The following SRRM4 variants were observed in gnomAD, a reference collection of about 807,000 sequenced individuals.
The protein encoded by SRRM4 is serine/arginine repetitive matrix protein 4.
A neutral mutation model predicts 68.9 loss-of-function variants in SRRM4; 33 were observed. The ratio of observed to expected loss-of-function variants is 0.48; its 90% confidence interval spans 0.36 to 0.64. The LOEUF is 0.64. SRRM4 is among the 30% of genes least tolerant of loss of function. The pLI, the probability that SRRM4 is intolerant of heterozygous loss-of-function variation, is 0.00. For synonymous variants in SRRM4, 318 were observed against 318.8 expected (o/e 1.00, Z 0.03); for missense variants, 817 against 827.1 (o/e 0.99, Z 0.15).
At chr12:119,076,981 AC>A (rs1218697814) in intron 1 of SRRM4, among the ~76,000 whole-genome samples, 1 of 152,154 alleles carries the variant, frequency 6.6e-6, no homozygotes, top group Non-Finnish European at 1.5e-5. Flanking sequence ...AATCAAACTG[AC>A]TTGCGTAAAC....
chr12:119,110,278 C>T (rs544866284), intron 2 of SRRM4, among the ~76,000 whole-genome samples: 6 of 152,320 alleles, frequency 3.9e-5, no homozygotes, highest in Admixed American at 6.5e-5. Flanking sequence ...GGGTCAGGGA[C>T]GCACTTGAGG....
chr12:119,031,419 G>A (rs923013360), intron 1 of SRRM4: 2 of 152,170 alleles, frequency 1.3e-5, no homozygotes, highest in African/African-American at 4.8e-5. Flanking sequence ...TATTCTATTG[G>A]TTAGAAGGAA....
intron 1 of SRRM4, among the ~76,000 whole-genome samples, chr12:118,988,236 T>C (rs1953295305): frequency 6.6e-6 from 1 of 152,230 alleles, no homozygotes; most frequent in Non-Finnish European, 1.5e-5. Context: ...ATGATTCTTC[T>C]ATTTCATCAA....
intron 1 of SRRM4, among the ~76,000 whole-genome samples, chr12:119,059,943 G>C (rs1170461573): frequency 6.6e-6 from 1 of 152,134 alleles, no homozygotes. Context: ...GATTTGTGTT[G>C]ACTGGTTCAT....
At chr12:119,057,957 G>A (rs1565899149) in intron 1 of SRRM4, among the ~76,000 whole-genome samples, 1 of 152,112 alleles carries the variant, frequency 6.6e-6, no homozygotes, top group African/African-American at 2.4e-5. Flanking sequence ...TCTTCCCCAA[G>A]GGATGCCAGG....
At chr12:119,113,288 T>A (rs1954156292) in intron 2 of SRRM4, among the ~76,000 whole-genome samples, 1 of 152,198 alleles carries the variant, frequency 6.6e-6, no homozygotes, top group African/African-American at 2.4e-5. Flanking sequence ...TTCCAGATGA[T>A]TGGCCACACA....
chr12:119,103,761 G>A (rs995148544), intron 2 of SRRM4, among the ~76,000 whole-genome samples: 1 of 152,224 alleles, frequency 6.6e-6, no homozygotes, highest in African/African-American at 2.4e-5. Flanking sequence ...CCAACACTTT[G>A]GAAGGCCGAG....
In SRRM4 at chr12:118,981,792, A is replaced by C; in HGVS notation, c.-91A>C. On this transcript the variant is annotated 5_prime_UTR_variant, in exon 1 of 13. Coordinates refer to ENST00000267260, the MANE Select transcript of SRRM4 (RefSeq NM_194286.4). The stretch of plus-strand genomic sequence containing the variant: ...ACCCCTCTCTGGGTTTCACCCGGAC[A>C]GAGCCGGGAGCTGGGTGTCGCCCCC... 3 of 1,409,908 alleles carry C rather than the reference A, an allele frequency of 2.1e-6. No individual in the cohort carries two copies. The highest frequency in any genetic ancestry group is 2.7e-5 in the East Asian group (1 of 37,068). The allele number at this position is 1,409,908 out of a possible 1,614,324, so 87.3% of individuals were successfully genotyped here.
At chr12:118,992,689 C>T (rs1044545267) in intron 1 of SRRM4, among the ~76,000 whole-genome samples, 1 of 152,180 alleles carries the variant, frequency 6.6e-6, no homozygotes, top group Non-Finnish European at 1.5e-5. Context: ...TATAAATCCT[C>T]ATTGCCTCAC....
intron 1 of SRRM4, among the ~76,000 whole-genome samples, chr12:119,061,853 C>G (rs969611678): frequency 6.6e-5 from 10 of 152,080 alleles, no homozygotes; most frequent in African/African-American, 2.4e-4. Context: ...TTGTATTTCC[C>G]CAGTTGTGAC....
chr12:119,097,205 T>A (rs4517582), intron 1 of SRRM4, among the ~76,000 whole-genome samples: 132,717 of 152,268 alleles, frequency 0.87, 58,164 homozygotes, highest in African/African-American at 0.97. Context: ...AGAATTTTTC[T>A]TAAGGACCTG....
At chr12:119,085,635 G>T (rs906449437) in intron 1 of SRRM4, among the ~76,000 whole-genome samples, 1 of 152,168 alleles carries the variant, frequency 6.6e-6, no homozygotes, top group Non-Finnish European at 1.5e-5. Flanking sequence ...TGCTTTTGGG[G>T]GCTCTGCACA....
chr12:119,000,059 GA>G (rs1886597134), intron 1 of SRRM4, among the ~76,000 whole-genome samples: 1 of 152,128 alleles, frequency 6.6e-6, no homozygotes, highest in Non-Finnish European at 1.5e-5. Flanking sequence ...ATTTTGTACA[GA>G]ACGCACTACA....
At chr12:119,053,826 T>C (rs1487905039) in intron 1 of SRRM4, among the ~76,000 whole-genome samples, 3 of 152,150 alleles carry the variant, frequency 2.0e-5, no homozygotes, top group African/African-American at 7.2e-5. Flanking sequence ...CAAAGTGTAA[T>C]TATCACATCA....
intron 1 of SRRM4, among the ~76,000 whole-genome samples, chr12:118,982,884 T>C (rs1225687907): frequency 1.3e-5 from 2 of 152,044 alleles, no homozygotes; most frequent in African/African-American, 4.8e-5. Context: ...TCCAATTCTT[T>C]TCATAAATCA....
chr12:119,040,875 G>A (rs1270923299), intron 1 of SRRM4, among the ~76,000 whole-genome samples: 1 of 151,858 alleles, frequency 6.6e-6, no homozygotes, highest in Non-Finnish European at 1.5e-5. Flanking sequence ...TCAGCCTCCT[G>A]AGAAGCTGGG....
intron 2 of SRRM4, among the ~76,000 whole-genome samples, chr12:119,103,739 A>G (rs909660468): frequency 3.3e-5 from 5 of 152,242 alleles, no homozygotes; most frequent in Non-Finnish European, 7.3e-5. Flanking sequence ...ATGCTGGCTC[A>G]CGCCTGTAAT....
intron 1 of SRRM4, among the ~76,000 whole-genome samples, chr12:119,055,771 C>G (rs548675830): frequency 6.6e-6 from 1 of 152,346 alleles, no homozygotes; most frequent in African/African-American, 2.4e-5. Flanking sequence ...GTCACTTAAC[C>G]TCTCTGAACT....
At chr12:119,014,204 C>T (rs182420055) in intron 1 of SRRM4, among the ~76,000 whole-genome samples, 1 of 151,676 alleles carries the variant, frequency 6.6e-6, no homozygotes, top group African/African-American at 2.4e-5. Context: ...TTTGATTATT[C>T]TTTTTTTTAA....
Sources: allele counts gnomAD v4.1 joint callset (sites outside exome capture counted in the v4.1 genomes callset), GRCh38; gene constraint gnomAD v4.1.1; transcripts MANE v1.5; gene names NCBI Gene and HGNC (gene_info 2026-07-23, HGNC 2026-07-21).